PTPRD: variants seen among roughly 807,000 people sequenced by gnomAD.
PTPRD encodes protein tyrosine phosphatase receptor type D.
A neutral mutation model predicts 214.5 loss-of-function variants in PTPRD; 34 were observed. The observed-to-expected ratio is 0.16, with a 90% CI of 0.12 to 0.21. PTPRD has a LOEUF of 0.21. Among genes scored for constraint, PTPRD ranks in the 10% least tolerant of loss-of-function variants. The pLI is 1.00. For missense variants in PTPRD, 2,545 were observed against 2,398.7 expected (o/e 1.06, Z -1.27); for synonymous variants, 1,128 against 845.7 (o/e 1.33, Z -5.79).
intron 12 of PTPRD, among the ~76,000 whole-genome samples, chr9:8,652,153 C>T (rs1199706757): frequency 2.6e-5 from 4 of 152,168 alleles, no homozygotes; most frequent in African/African-American, 9.7e-5. Context: ...TTTTCCCACA[C>T]AGAAATAAAC....
chr9:8,636,934 C>A (rs1203706141), intron 12 of PTPRD, 90 bp from the exon 13 acceptor site: 3 of 1,280,908 alleles, frequency 2.3e-6, no homozygotes, highest in Admixed American at 4.1e-5. Context: ...CATCCTCAAC[C>A]ACACCGCCAT....
chr9:9,266,482 A>G (rs1939738678), intron 9 of PTPRD, among the ~76,000 whole-genome samples: 1 of 151,454 alleles, frequency 6.6e-6, no homozygotes, highest in Admixed American at 6.6e-5. Context: ...ATTCTCCAAG[A>G]TAGAACATTT....
chr9:9,215,162 A>G (rs957936892), intron 9 of PTPRD, among the ~76,000 whole-genome samples: 3 of 152,188 alleles, frequency 2.0e-5, no homozygotes, highest in African/African-American at 4.8e-5. Flanking sequence ...ATTTGTGAAG[A>G]AACTTCCTTT....
At chr9:8,962,552 G>A (rs547089730) in intron 11 of PTPRD, among the ~76,000 whole-genome samples, 4 of 151,784 alleles carry the variant, frequency 2.6e-5, no homozygotes, top group Non-Finnish European at 5.9e-5. Context: ...GAGAGAGAGA[G>A]AGAGCGAGAG....
intron 34 of PTPRD, 146 bp from the exon 35 acceptor site, chr9:8,436,835 G>A (rs1250533275): frequency 4.5e-6 from 3 of 661,956 alleles, no homozygotes; most frequent in African/African-American, 3.6e-5. Flanking sequence ...CAGGCAAATA[G>A]TTTGGTTACT....
At chr9:9,722,001 A>G (rs987004754) in intron 7 of PTPRD, among the ~76,000 whole-genome samples, 1 of 152,040 alleles carries the variant, frequency 6.6e-6, no homozygotes, top group Non-Finnish European at 1.5e-5. Context: ...TGAGTGTTAG[A>G]GAGTCTTATC....
In PTPRD at chr9:10,212,685, C is replaced by A. The variant is rs534384867; in HGVS notation, c.-545+128278G>T. On this transcript the variant is annotated intron_variant, in intron 3 of 45. Coordinates refer to ENST00000381196, the MANE Select transcript of PTPRD (RefSeq NM_002839.4). ...TGTGATTTAATCTTTTCCCCATAAA[C>A]CAGGTCACCATTGAGAGCCTCTGTT... Among the ~76,000 whole-genome samples, 31 of 152,216 alleles carry A rather than the reference C, an allele frequency of 2.0e-4. 1 individual carries two copies. In the Middle Eastern group the frequency reaches 0.01, roughly 50 times the overall value.
intron 7 of PTPRD, among the ~76,000 whole-genome samples, chr9:9,639,399 T>C (rs1273889530): frequency 6.6e-6 from 1 of 152,222 alleles, no homozygotes; most frequent in African/African-American, 2.4e-5. Context: ...GTTTCCCTTT[T>C]AGCTTTGGAT....
At chr9:9,042,389 C>T (rs111672763) in intron 10 of PTPRD, among the ~76,000 whole-genome samples, 1,773 of 152,170 alleles carry the variant, frequency 0.012, 31 homozygotes, top group Middle Eastern at 0.041. Context: ...ACTGGGATCA[C>T]GTGCCAGGAG....
chr9:9,463,874 G>A (rs1466080569), intron 8 of PTPRD, among the ~76,000 whole-genome samples: 2 of 151,856 alleles, frequency 1.3e-5, no homozygotes, highest in South Asian at 2.1e-4. Flanking sequence ...CAACCATCAG[G>A]CCTCCCAAAT....
intron 8 of PTPRD, among the ~76,000 whole-genome samples, chr9:9,445,470 C>T (rs923017406): frequency 2.0e-5 from 3 of 152,104 alleles, no homozygotes; most frequent in African/African-American, 7.2e-5. Context: ...CTGCTCGGGA[C>T]TGGATAATTC....
intron 2 of PTPRD, among the ~76,000 whole-genome samples, chr9:10,382,647 C>T (rs185397470): frequency 2.8e-4 from 42 of 151,860 alleles, no homozygotes; most frequent in African/African-American, 8.9e-4. Flanking sequence ...ATCAGCATAC[C>T]AGTATATATC....
At chr9:9,292,280 G>A (rs890409709) in intron 9 of PTPRD, among the ~76,000 whole-genome samples, 1 of 150,742 alleles carries the variant, frequency 6.6e-6, no homozygotes, top group Non-Finnish European at 1.5e-5. Context: ...TCTCTATTCT[G>A]TGATAGAAGA....
chr9:9,827,683 T>C (rs933333788), intron 5 of PTPRD, among the ~76,000 whole-genome samples: 20 of 152,144 alleles, frequency 1.3e-4, no homozygotes, highest in Admixed American at 3.3e-4. Context: ...AAAGAGCTTC[T>C]GCACAGCAAA....
chr9:9,442,818 C>T (rs1472616332), intron 8 of PTPRD, among the ~76,000 whole-genome samples: 1 of 152,038 alleles, frequency 6.6e-6, no homozygotes, highest in African/African-American at 2.4e-5. Flanking sequence ...GTGTTTTACC[C>T]TAAACATGAC....
At chr9:9,471,150 C>A (rs1420431330) in intron 8 of PTPRD, among the ~76,000 whole-genome samples, 1 of 152,094 alleles carries the variant, frequency 6.6e-6, no homozygotes, top group Non-Finnish European at 1.5e-5. Flanking sequence ...CCTATAGTTG[C>A]AAAATAATGT....
intron 8 of PTPRD, among the ~76,000 whole-genome samples, chr9:9,547,862 T>C (rs144881723): frequency 0.017 from 2,490 of 148,216 alleles, 39 homozygotes; most frequent in Admixed American, 0.027. Flanking sequence ...AGCAAATTGC[T>C]AAAAATGAAA....
chr9:9,370,119 TTAAAG>T (rs1370029241), intron 9 of PTPRD, among the ~76,000 whole-genome samples: 1 of 152,148 alleles, frequency 6.6e-6, no homozygotes, highest in African/African-American at 2.4e-5. Flanking sequence ...CATATGAACT[TTAAAG>T]TAGTTTTTTC....
At chr9:8,797,079 A>G (rs959420264) in intron 11 of PTPRD, 4 of 152,144 alleles carry the variant, frequency 2.6e-5, no homozygotes, top group African/African-American at 9.7e-5. Flanking sequence ...GATACGCCTT[A>G]CTATTAGTAC....
Sources: gnomAD v4.1 joint callset for allele counts (sites outside exome capture counted in the v4.1 genomes callset) on GRCh38, gnomAD v4.1.1 for gene constraint, MANE v1.5 for transcripts, NCBI Gene and HGNC (gene_info 2026-07-23, HGNC 2026-07-21) for gene names.